The following CDC42SE2 variants were observed in gnomAD, a reference collection of about 807,000 sequenced individuals.
CDC42SE2 encodes CDC42 small effector protein 2.
Under a neutral mutation model 11.5 loss-of-function variants are expected in CDC42SE2, and 3 were observed. The ratio of observed to expected loss-of-function variants is 0.26; its 90% CI spans 0.12 to 0.67. The LOEUF (loss-of-function observed/expected upper bound fraction) is 0.67. CDC42SE2 is among the 30% of genes least tolerant of loss of function. The probability of loss-of-function intolerance (pLI) is 0.80; values close to 1 mark genes in which losing one functional copy is unlikely to be tolerated. For missense variants in CDC42SE2, 82 were observed against 106.8 expected (o/e 0.77, Z 1.02); for synonymous variants, 33 against 34.8 (o/e 0.95, Z 0.18).
At chr5:131,309,548 A>G (rs992051169) in intron 1 of CDC42SE2, among the ~76,000 whole-genome samples, 1 of 151,316 alleles carries the variant, frequency 6.6e-6, no homozygotes, top group Non-Finnish European at 1.5e-5. Flanking sequence ...TACCTCTGGT[A>G]GAATTCGGCT....
At chr5:131,308,249 A>T (rs558249717) in intron 1 of CDC42SE2, among the ~76,000 whole-genome samples, 6 of 152,060 alleles carry the variant, frequency 3.9e-5, no homozygotes, top group African/African-American at 1.4e-4. Flanking sequence ...AAGATCAGAT[A>T]GTTGTAGATA....
intron 1 of CDC42SE2, among the ~76,000 whole-genome samples, chr5:131,265,140 T>C (rs372063159): frequency 1.3e-5 from 2 of 152,202 alleles, no homozygotes; most frequent in East Asian, 1.9e-4. Context: ...ATACGTTTTT[T>C]AGTTTTTGTC....
intron 1 of CDC42SE2, among the ~76,000 whole-genome samples, chr5:131,298,099 G>A (rs1278724782): frequency 6.6e-6 from 1 of 151,502 alleles, no homozygotes; most frequent in Non-Finnish European, 1.5e-5. Context: ...CTGCTGTCTA[G>A]TCATCTTTAA....
chr5:131,351,656 T>C (rs1322219585), intron 2 of CDC42SE2, among the ~76,000 whole-genome samples: 1 of 152,208 alleles, frequency 6.6e-6, no homozygotes, highest in Non-Finnish European at 1.5e-5. Flanking sequence ...TTTTAAAAAA[T>C]AGCCTTTATA....
chr5:131,312,181 CG>C (rs1757934023), intron 1 of CDC42SE2, among the ~76,000 whole-genome samples: 1 of 151,232 alleles, frequency 6.6e-6, no homozygotes, highest in Non-Finnish European at 1.5e-5. Context: ...CCTCAGCTGC[CG>C]GTCTGTTGGA....
intron 1 of CDC42SE2, among the ~76,000 whole-genome samples, chr5:131,312,134 C>CT (rs1047804051): frequency 6.6e-6 from 1 of 151,878 alleles, no homozygotes; most frequent in Non-Finnish European, 1.5e-5. Context: ...TGTGGATGTC[C>CT]TTTTTGTTTG....
chr5:131,359,562 T>G lies in CDC42SE2; in HGVS notation c.54+15T>G, dbSNP rs373744699. On this transcript the variant is annotated intron_variant, in intron 3 of 4. Transcript: ENST00000505065. ...AGCCTCAGCCTGTAAGTATGAAGTATGTGGACACATCAGGTGGGGTGCTTA... is the reference window on the plus strand; with the variant it reads ...AGCCTCAGCCTGTAAGTATGAAGTAGGTGGACACATCAGGTGGGGTGCTTA... 6.3e-7 allele frequency: 1 copy of G among 1,597,828 alleles called. No homozygotes were observed. The highest frequency in any genetic ancestry group is 2.2e-5 in the East Asian group (1 of 44,792).
At chr5:131,293,263 G>T (rs1477400679) in intron 1 of CDC42SE2, among the ~76,000 whole-genome samples, 1 of 152,120 alleles carries the variant, frequency 6.6e-6, no homozygotes, top group Non-Finnish European at 1.5e-5. Context: ...CAGTGAGAAG[G>T]TACCGTCTAA....
At chr5:131,261,334 A>T (rs1756723745), upstream of CDC42SE2, 1 of 152,204 alleles carries the variant, frequency 6.6e-6, no homozygotes, top group Non-Finnish European at 1.5e-5. Flanking sequence ...CTCTAGAAAA[A>T]TTTTATTTGG....
intron 1 of CDC42SE2, among the ~76,000 whole-genome samples, chr5:131,309,313 A>G (rs1757848068): frequency 6.6e-6 from 1 of 151,322 alleles, no homozygotes; most frequent in Non-Finnish European, 1.5e-5. Flanking sequence ...ATCATGGTGG[A>G]TAAGCTTTTT....
intron 2 of CDC42SE2, among the ~76,000 whole-genome samples, chr5:131,342,031 C>T (rs964512254): frequency 3.3e-5 from 5 of 152,062 alleles, no homozygotes; most frequent in African/African-American, 7.2e-5. Flanking sequence ...CCTGTAATCC[C>T]AGCCCTTTGG....
chr5:131,284,147 G>T (rs1757294897), intron 1 of CDC42SE2, among the ~76,000 whole-genome samples: 1 of 152,118 alleles, frequency 6.6e-6, no homozygotes, highest in Non-Finnish European at 1.5e-5. Flanking sequence ...TATGTTCAAG[G>T]TTTATCCATG....
chr5:131,351,851 T>A (rs1033717399), intron 2 of CDC42SE2, among the ~76,000 whole-genome samples: 6 of 152,232 alleles, frequency 3.9e-5, no homozygotes, highest in Non-Finnish European at 8.8e-5. Flanking sequence ...TTAAAAACTT[T>A]AACTCTTCGA....
chr5:131,261,856 C>T (rs1448284535), upstream of CDC42SE2, among the ~76,000 whole-genome samples: 2 of 133,968 alleles, frequency 1.5e-5, no homozygotes, highest in Non-Finnish European at 3.2e-5. Flanking sequence ...GAGACCCTGT[C>T]TCAAAAAAAA....
At chr5:131,332,079 T>A (rs779269905) in intron 2 of CDC42SE2, among the ~76,000 whole-genome samples, 1 of 152,174 alleles carries the variant, frequency 6.6e-6, no homozygotes, top group Admixed American at 6.5e-5. Flanking sequence ...AACTTATAAT[T>A]TAGCATTAGG....
At chr5:131,221,734 AT>A in the CDC42SE2 span, among the ~76,000 whole-genome samples, 4 of 151,852 alleles carry the variant, frequency 2.6e-5, no homozygotes, top group African/African-American at 9.7e-5. Flanking sequence ...TATTTGTTTC[AT>A]TTTTTTTCTC....
At chr5:131,367,028 A>G (rs1274473763) in intron 3 of CDC42SE2, among the ~76,000 whole-genome samples, 1 of 151,652 alleles carries the variant, frequency 6.6e-6, no homozygotes, top group Non-Finnish European at 1.5e-5. Flanking sequence ...CCCTGTTTCA[A>G]AAAACAAATT....
At chr5:131,273,262 TC>T (rs1462992339) in intron 1 of CDC42SE2, among the ~76,000 whole-genome samples, 1 of 149,220 alleles carries the variant, frequency 6.7e-6, no homozygotes, top group Non-Finnish European at 1.5e-5. Context: ...TTCAAGTGAT[TC>T]TCCTGTCTCA....
At chr5:131,262,314 T>C (rs1231489545), upstream of CDC42SE2, among the ~76,000 whole-genome samples, 1 of 152,156 alleles carries the variant, frequency 6.6e-6, no homozygotes, top group Non-Finnish European at 1.5e-5. Flanking sequence ...TAAATGGTCA[T>C]CACTGTACTC....
Sources: gnomAD v4.1 joint callset for allele counts (sites outside exome capture counted in the v4.1 genomes callset) on GRCh38, gnomAD v4.1.1 for gene constraint, MANE v1.5 for transcripts, NCBI Gene and HGNC (gene_info 2026-07-23, HGNC 2026-07-21) for gene names.